Variants in TANC1 observed in about 807,000 individuals in gnomAD.
TANC1 encodes tetratricopeptide repeat, ankyrin repeat and coiled-coil containing 1, also known as protein TANC1.
TANC1 carries 77 observed loss-of-function variants against 149.7 expected under a neutral mutation model. The observed-to-expected ratio is 0.51, with a 90% CI of 0.43 to 0.62. The LOEUF (loss-of-function observed/expected upper bound fraction) is 0.62. Ranked by LOEUF, TANC1 falls within the 20% of genes least tolerant of loss-of-function variation. The pLI is 0.00. For missense variants in TANC1, 1,985 were observed against 2,321.8 expected (o/e 0.85, Z 2.98); for synonymous variants, 854 against 925.0 (o/e 0.92, Z 1.39).
rs142792905 is a variant in TANC1 at position 159,166,579 on chromosome 2, G to T, written c.947-2671G>T. ...TTATTGCTTTACCTTTGGGTTTTTGGGGCCCTGAGTAGTGTCTAGGATTTT... is the reference window on the plus strand; with the variant it reads ...TTATTGCTTTACCTTTGGGTTTTTGTGGCCCTGAGTAGTGTCTAGGATTTT... On this transcript the variant is annotated intron_variant, in intron 8 of 26. Coordinates refer to ENST00000263635, the MANE Select transcript of TANC1 (RefSeq NM_033394.3). 1.1e-3 allele frequency among the ~76,000 whole-genome samples: 162 copies of T among 152,194 alleles called. 1 individual carries two copies. The highest frequency in any genetic ancestry group is 1.9e-3 in the South Asian group (9 of 4,810).
At position 159,194,493 on chromosome 2, in the gene TANC1, A is replaced by G; in HGVS notation, c.2979A>G (p.Arg993=). ...LVCLLTKKGV[R]VDHLDKKGQC... ...GTCTGCTGACCAAGAAGGGAGTGAG[A>G]GTAAGCGGCAGCCTGCTCTTTTGGG... Residue 993 remains arginine (R), a splice_region_variant and synonymous_variant, in exon 17 of 27, where the codon AGA becomes AGG. Coordinates refer to ENST00000263635, the MANE Select transcript of TANC1 (RefSeq NM_033394.3). The G allele has an allele frequency of 6.2e-7, 1 of 1,613,014 alleles. No individual in the cohort carries two copies. The highest frequency in any genetic ancestry group is 2.2e-5 in the East Asian group (1 of 44,878).
chr2:159,045,189 T>G (rs1409654428), intron 2 of TANC1, among the ~76,000 whole-genome samples: 1 of 152,208 alleles, frequency 6.6e-6, no homozygotes. Context: ...CCGGGCGCAG[T>G]GGCTCACTCC....
At chr2:159,181,211 GA>G (rs1475244267) in intron 14 of TANC1, among the ~76,000 whole-genome samples, 1 of 151,970 alleles carries the variant, frequency 6.6e-6, no homozygotes, top group Non-Finnish European at 1.5e-5. Context: ...AGAAGTCTTA[GA>G]AAAGTGTCAT....
At chr2:159,005,826 T>G (rs1340037800) in intron 2 of TANC1, among the ~76,000 whole-genome samples, 1 of 152,096 alleles carries the variant, frequency 6.6e-6, no homozygotes, top group Non-Finnish European at 1.5e-5. Flanking sequence ...AAGAAAATTG[T>G]CCTTGAATGT....
chr2:159,193,288 T>A (rs1318005227), intron 16 of TANC1, among the ~76,000 whole-genome samples: 2 of 152,252 alleles, frequency 1.3e-5, no homozygotes. Context: ...TTGTCACATA[T>A]GGCAGGATTT....
Position 159,150,610 on chromosome 2 carries a change from A to G in TANC1, c.682+54A>G, listed in dbSNP as rs1574975365. The G allele has an allele frequency of 9.3e-6, 13 of 1,393,124 alleles. No homozygotes were observed. In the East Asian group the frequency reaches 3.0e-4, roughly 32 times the overall value. The allele number at this position is 1,393,124 out of a possible 1,614,324, so 86.3% of individuals were successfully genotyped here. On this transcript the variant is annotated intron_variant, in intron 7 of 26. Coordinates refer to ENST00000263635, the MANE Select transcript of TANC1 (RefSeq NM_033394.3). ...TGGCTCGAATCTCATCAACCAGAGC[A>G]TTCACCAGGCACTTCCTCAGAGGGT... is the stretch of plus-strand genomic sequence containing the variant.
intron 5 of TANC1, among the ~76,000 whole-genome samples, chr2:159,139,583 T>G (rs1464561138): frequency 2.0e-5 from 3 of 152,216 alleles, no homozygotes; most frequent in African/African-American, 4.8e-5. Flanking sequence ...TAACCATAAT[T>G]TATTTAGGTT....
intron 5 of TANC1, among the ~76,000 whole-genome samples, chr2:159,136,806 A>T (rs1354545226): frequency 6.7e-6 from 1 of 148,572 alleles, no homozygotes; most frequent in Admixed American, 6.8e-5. Context: ...AAAAAAAAAA[A>T]ACCAAATTGA....
At chr2:159,089,291 T>G (rs538453029) in intron 3 of TANC1, among the ~76,000 whole-genome samples, 1 of 152,210 alleles carries the variant, frequency 6.6e-6, no homozygotes, top group African/African-American at 2.4e-5. Context: ...TTTGCACTTG[T>G]GAGTTTTCTT....
chr2:159,143,976 A>G (rs1170146348), intron 5 of TANC1, among the ~76,000 whole-genome samples: 1 of 151,512 alleles, frequency 6.6e-6, no homozygotes, highest in Non-Finnish European at 1.5e-5. Context: ...TTTAATATCT[A>G]GTATGATAAA....
chr2:159,002,527 A>G (rs1236532965), intron 2 of TANC1, among the ~76,000 whole-genome samples: 2 of 150,436 alleles, frequency 1.3e-5, no homozygotes, highest in Non-Finnish European at 2.9e-5. Flanking sequence ...ACATGAGGAA[A>G]TAAATTTTAT....
intron 2 of TANC1, among the ~76,000 whole-genome samples, chr2:159,020,865 A>C (rs919645634): frequency 1.3e-5 from 2 of 150,608 alleles, no homozygotes; most frequent in Non-Finnish European, 3.0e-5. Context: ...TGGGGCAGTC[A>C]GTCTCTTTTT....
chr2:159,108,059 A>G (rs1038477890), intron 4 of TANC1, among the ~76,000 whole-genome samples: 5 of 152,242 alleles, frequency 3.3e-5, no homozygotes, highest in Non-Finnish European at 7.3e-5. Context: ...ATAGGATTTT[A>G]GTATTTCCAT....
chr2:159,013,573 A>G (rs1306567445), intron 2 of TANC1, among the ~76,000 whole-genome samples: 1 of 152,128 alleles, frequency 6.6e-6, no homozygotes, highest in Admixed American at 6.5e-5. Flanking sequence ...TTTGCAGGAG[A>G]GGGTAGACAG....
intron 2 of TANC1, among the ~76,000 whole-genome samples, chr2:159,012,072 T>C (rs1292867937): frequency 1.3e-5 from 2 of 152,190 alleles, no homozygotes; most frequent in Non-Finnish European, 2.9e-5. Context: ...AGAGGGGTGC[T>C]GTCCTCATAG....
chr2:158,995,190 GT>G (rs1368379867), intron 1 of TANC1, among the ~76,000 whole-genome samples: 1 of 152,202 alleles, frequency 6.6e-6, no homozygotes, highest in Non-Finnish European at 1.5e-5. Context: ...AGGTTGTCCT[GT>G]AGCTCTTTCT....
chr2:159,079,482 A>G (rs1240631843), intron 3 of TANC1, among the ~76,000 whole-genome samples: 2 of 151,664 alleles, frequency 1.3e-5, no homozygotes, highest in Non-Finnish European at 2.9e-5. Context: ...ACTGAGTGTC[A>G]GAGCCATGGT....
intron 3 of TANC1, among the ~76,000 whole-genome samples, chr2:159,071,319 CT>C (rs2043138790): frequency 6.6e-6 from 1 of 152,068 alleles, no homozygotes; most frequent in East Asian, 1.9e-4. Flanking sequence ...TATGTTAAGT[CT>C]TTTATTTGTA....
chr2:159,109,737 T>C (rs1057506913), intron 4 of TANC1, among the ~76,000 whole-genome samples: 1 of 152,218 alleles, frequency 6.6e-6, no homozygotes, highest in African/African-American at 2.4e-5. Context: ...CACGCTACCC[T>C]CCTGTTAATC....
Sources: gnomAD v4.1 joint callset for allele counts (sites outside exome capture counted in the v4.1 genomes callset) on GRCh38, gnomAD v4.1.1 for gene constraint, MANE v1.5 for transcripts, NCBI Gene and HGNC (gene_info 2026-07-23, HGNC 2026-07-21) for gene names.